EXOC4: variants seen among roughly 807,000 people sequenced by gnomAD.
The protein encoded by EXOC4 is SEC8-like 1.
A neutral mutation model predicts 107.2 loss-of-function variants in EXOC4; 71 were observed. The ratio of observed to expected loss-of-function variants is 0.66; its 90% confidence interval spans 0.55 to 0.81. EXOC4 has a LOEUF of 0.81. EXOC4 is among the 30% of genes least tolerant of loss of function. The pLI, the probability that EXOC4 is intolerant of heterozygous loss-of-function variation, is 0.00. For synonymous variants in EXOC4, 456 were observed against 441.2 expected, an observed-to-expected ratio of 1.03 and a Z score of -0.42; for missense variants, 1,108 against 1,189.6, an observed-to-expected ratio of 0.93 and a Z score of 1.01.
intron 14 of EXOC4, among the ~76,000 whole-genome samples, chr7:133,952,220 A>C (rs976040426): frequency 1.3e-5 from 2 of 152,184 alleles, no homozygotes; most frequent in Non-Finnish European, 2.9e-5. Flanking sequence ...ACTATAACAA[A>C]AATGGCAGAC....
intron 11 of EXOC4, among the ~76,000 whole-genome samples, chr7:133,876,715 A>AG (rs1437206714): frequency 2.0e-5 from 3 of 151,964 alleles, no homozygotes; most frequent in Non-Finnish European, 4.4e-5. Context: ...TTTCCCAGGG[A>AG]GGGGGCACAG....
intron 17 of EXOC4, among the ~76,000 whole-genome samples, chr7:134,018,612 T>C (rs1344073767): frequency 6.6e-6 from 1 of 152,160 alleles, no homozygotes; most frequent in East Asian, 1.9e-4. Flanking sequence ...ACTTGCTCTT[T>C]TTATAATCCT....
chr7:133,659,413 C>T (rs561052334), intron 10 of EXOC4, among the ~76,000 whole-genome samples: 2 of 152,248 alleles, frequency 1.3e-5, no homozygotes, highest in African/African-American at 4.8e-5. Context: ...ACTAAGGATG[C>T]TCTAAGGGCC....
In EXOC4 at chr7:133,254,647, T is replaced by C. The variant is rs142404006; in HGVS notation, c.86+1460T>C. 1.3e-3 allele frequency among the ~76,000 whole-genome samples: 193 copies of C among 152,290 alleles called. 7 individuals are homozygous for C. In the East Asian group the frequency reaches 0.031, roughly 24 times the overall value. On this transcript the variant is annotated intron_variant, in intron 1 of 17. Coordinates refer to ENST00000253861, the MANE Select transcript of EXOC4 (RefSeq NM_021807.4). ...GAATAATATTTGTTGACTTAATGAG[T>C]AAATGCCCTGAGTTTTGCAAAGATG...
chr7:133,344,837 A>C (rs1795748985), intron 5 of EXOC4, among the ~76,000 whole-genome samples: 1 of 152,128 alleles, frequency 6.6e-6, no homozygotes, highest in East Asian at 1.9e-4. Flanking sequence ...ATAGTTTTTC[A>C]CATTCTACCT....
At chr7:133,983,910 T>C (rs1794053410) in intron 14 of EXOC4, among the ~76,000 whole-genome samples, 3 of 152,162 alleles carry the variant, frequency 2.0e-5, no homozygotes, top group South Asian at 2.1e-4. Flanking sequence ...CTCTTTCATA[T>C]CCGGCAGGAG....
chr7:133,630,759 T>C (rs1374044424), intron 10 of EXOC4, among the ~76,000 whole-genome samples: 1 of 152,208 alleles, frequency 6.6e-6, no homozygotes, highest in African/African-American at 2.4e-5. Context: ...ATCAAACATA[T>C]GTTTTTATAT....
intron 11 of EXOC4, among the ~76,000 whole-genome samples, chr7:133,843,413 T>G (rs1006081908): frequency 6.6e-6 from 1 of 152,206 alleles, no homozygotes; most frequent in Admixed American, 6.5e-5. Context: ...CCTAGTATTG[T>G]ATTCTTTTTG....
intron 13 of EXOC4, among the ~76,000 whole-genome samples, chr7:133,937,518 A>G (rs1158259158): frequency 6.6e-6 from 1 of 152,208 alleles, no homozygotes; most frequent in South Asian, 2.1e-4. Context: ...ACTTTAAACC[A>G]TGTACATATT....
intron 14 of EXOC4, among the ~76,000 whole-genome samples, chr7:133,938,582 T>A (rs1297905505): frequency 6.6e-6 from 1 of 152,148 alleles, no homozygotes; most frequent in East Asian, 1.9e-4. Flanking sequence ...AGATAGCAAT[T>A]ACAGATTTCA....
intron 7 of EXOC4, among the ~76,000 whole-genome samples, chr7:133,442,730 GGAGAAGGGATTTGAAGGAAT>G (rs1798131746): frequency 6.6e-6 from 1 of 152,146 alleles, no homozygotes; most frequent in South Asian, 2.1e-4. Flanking sequence ...TTGACCACAA[GGAGAAGGGATTTGAAGGAAT>G]CGAAGATTTG....
At chr7:133,926,104 A>T (rs530191123) in intron 13 of EXOC4, among the ~76,000 whole-genome samples, 1 of 151,948 alleles carries the variant, frequency 6.6e-6, no homozygotes, top group Non-Finnish European at 1.5e-5. Context: ...CAGCAGTCAC[A>T]GCAATAAGAG....
At chr7:133,373,397 A>G (rs775746398) in intron 6 of EXOC4, among the ~76,000 whole-genome samples, 2 of 152,238 alleles carry the variant, frequency 1.3e-5, no homozygotes, top group Non-Finnish European at 2.9e-5. Context: ...CTTCTGGATT[A>G]TATATGTATA....
At chr7:133,849,865 C>G (rs373533879) in intron 11 of EXOC4, among the ~76,000 whole-genome samples, 2 of 152,152 alleles carry the variant, frequency 1.3e-5, no homozygotes. Context: ...GGTCTCTTGT[C>G]TAAAAGTCAC....
intron 10 of EXOC4, 128 bp downstream of exon 10, chr7:133,630,269 C>A: frequency 1.5e-6 from 1 of 665,614 alleles, no homozygotes; most frequent in South Asian, 2.0e-5. Context: ...ATTTTTAGGG[C>A]CTCACTATTA....
chr7:133,301,330 AGTTT>A (rs1031901513), intron 3 of EXOC4, among the ~76,000 whole-genome samples: 1 of 152,224 alleles, frequency 6.6e-6, no homozygotes, highest in African/African-American at 2.4e-5. Flanking sequence ...CTGCTCAAAA[AGTTT>A]GTTTAACTGT....
rs138694069 is a variant in EXOC4 at position 133,461,509 on chromosome 7, A to G, written c.1183-13819A>G. Among the ~76,000 whole-genome samples, 296 of 152,362 alleles carry G rather than the reference A, an allele frequency of 1.9e-3. 2 individuals are homozygous for G. The highest frequency in any genetic ancestry group is 6.6e-3 in the African/African-American group (274 of 41,588). Reference sequence around the variant, plus strand: ...TATTACAGATAAACAATATAAAATCATCTTTAGTAACTGAACTGCTAATTG... The same window carrying G: ...TATTACAGATAAACAATATAAAATCGTCTTTAGTAACTGAACTGCTAATTG... On this transcript the variant is annotated intron_variant, in intron 7 of 17. Coordinates refer to ENST00000253861, the MANE Select transcript of EXOC4 (RefSeq NM_021807.4).
the EXOC4 span, among the ~76,000 whole-genome samples, chr7:134,079,774 A>G: frequency 6.6e-6 from 1 of 152,232 alleles, no homozygotes; most frequent in East Asian, 1.9e-4. Context: ...ATGAGTTTGC[A>G]CTGAGCCATC....
intron 14 of EXOC4, among the ~76,000 whole-genome samples, chr7:133,981,370 A>T (rs1793974854): frequency 6.6e-6 from 1 of 152,164 alleles, no homozygotes; most frequent in Admixed American, 6.5e-5. Context: ...GCCCACATAA[A>T]ACTGTAGATG....
Sources: gnomAD v4.1 joint callset for allele counts (sites outside exome capture counted in the v4.1 genomes callset) on GRCh38, gnomAD v4.1.1 for gene constraint, MANE v1.5 for transcripts, NCBI Gene and HGNC (gene_info 2026-07-23, HGNC 2026-07-21) for gene names.